The following TRPM3 variants were observed in gnomAD, a reference collection of about 807,000 sequenced individuals.
TRPM3 encodes the protein transient receptor potential cation channel subfamily M member 3.
A neutral mutation model predicts 181.2 loss-of-function variants in TRPM3; 77 were observed. The observed-to-expected ratio is 0.42, with a 90% CI of 0.35 to 0.51. TRPM3 has a LOEUF of 0.51. Ranked by LOEUF, TRPM3 falls within the 20% of genes least tolerant of loss-of-function variation. The pLI is 0.01. For missense variants in TRPM3, 1,759 were observed against 2,196.7 expected, an observed-to-expected ratio of 0.80 and a Z score of 3.98; for synonymous variants, 745 against 796.4, an observed-to-expected ratio of 0.94 and a Z score of 1.09.
chr9:70,536,197 ATGT>A lies in TRPM3; in HGVS notation c.4913_4915del (p.Asn1638del). The A allele has an allele frequency of 6.2e-7, 1 of 1,614,112 alleles. No individual in the cohort carries two copies. Among genetic ancestry groups the A allele is most frequent in the African/African-American group, 1.3e-5 (1 of 75,030 alleles). The stretch of plus-strand genomic sequence containing the variant: ...GGCGCGCTCTATCTTGGGAACAGTG[ATGT>A]TGTTGGACAGGGTTCTCTCTGAGTT... On this transcript the variant is annotated inframe_deletion, in exon 26 of 26. Coordinates refer to ENST00000677713, the MANE Select transcript of TRPM3 (RefSeq NM_001366145.2).
intron 9 of TRPM3, among the ~76,000 whole-genome samples, chr9:70,679,650 T>C (rs917745389): frequency 5.9e-5 from 9 of 152,212 alleles, no homozygotes; most frequent in African/African-American, 2.2e-4. Flanking sequence ...AGCATGTTAC[T>C]GAATTGCTCT....
chr9:71,036,965 C>T (rs910797911), intron 1 of TRPM3, among the ~76,000 whole-genome samples: 1 of 152,094 alleles, frequency 6.6e-6, no homozygotes, highest in Non-Finnish European at 1.5e-5. Context: ...TTTCAAGCAT[C>T]TATGATGATA....
chr9:71,258,594 CACTT>C (rs2082828680), intron 1 of TRPM3, among the ~76,000 whole-genome samples: 1 of 152,124 alleles, frequency 6.6e-6, no homozygotes, highest in African/African-American at 2.4e-5. Context: ...CGTAAAGTAA[CACTT>C]ATTTTTCATT....
chr9:70,542,261 A>G (rs2043585372), intron 25 of TRPM3, among the ~76,000 whole-genome samples: 1 of 152,244 alleles, frequency 6.6e-6, no homozygotes, highest in Non-Finnish European at 1.5e-5. Flanking sequence ...AAATGGAGAT[A>G]TATATGGATG....
At chr9:70,609,992 G>A (rs1430878852) in intron 19 of TRPM3, among the ~76,000 whole-genome samples, 1 of 152,100 alleles carries the variant, frequency 6.6e-6, no homozygotes, top group Non-Finnish European at 1.5e-5. Context: ...GTCATTTCAG[G>A]GACAATCCAC....
chr9:71,108,634 GAAT>G (rs771952482), intron 1 of TRPM3, among the ~76,000 whole-genome samples: 22 of 152,166 alleles, frequency 1.4e-4, no homozygotes, highest in Non-Finnish European at 2.9e-5. Context: ...GCAGAATACA[GAAT>G]AATAGACGAA....
chr9:71,042,579 TCTC>T (rs1421643445), intron 1 of TRPM3, among the ~76,000 whole-genome samples: 1 of 152,188 alleles, frequency 6.6e-6, no homozygotes, highest in East Asian at 1.9e-4. Flanking sequence ...CTTTAGTAGT[TCTC>T]CTTGAATTTC....
intron 1 of TRPM3, among the ~76,000 whole-genome samples, chr9:71,042,867 G>T (rs1008414696): frequency 3.3e-5 from 5 of 152,156 alleles, no homozygotes; most frequent in African/African-American, 1.2e-4. Flanking sequence ...GCCATAAACA[G>T]TTCATCAGAA....
chr9:71,043,850 A>G (rs895818996), intron 1 of TRPM3, among the ~76,000 whole-genome samples: 4 of 151,826 alleles, frequency 2.6e-5, no homozygotes, highest in Non-Finnish European at 5.9e-5. Context: ...TCTTGGAACT[A>G]CTCTCTCAAG....
chr9:70,637,240 A>T (rs1378180994), intron 11 of TRPM3, among the ~76,000 whole-genome samples: 11 of 152,208 alleles, frequency 7.2e-5, no homozygotes, highest in Non-Finnish European at 1.2e-4. Flanking sequence ...GAATGACAGT[A>T]TCACTTTATC....
chr9:71,230,156 T>C (rs369777603), intron 1 of TRPM3, among the ~76,000 whole-genome samples: 1 of 152,172 alleles, frequency 6.6e-6, no homozygotes, highest in African/African-American at 2.4e-5. Flanking sequence ...GATTCTGTCA[T>C]TTGCAACAAC....
At chr9:71,316,217 C>A (rs1230784101) in intron 1 of TRPM3, among the ~76,000 whole-genome samples, 8 of 152,162 alleles carry the variant, frequency 5.3e-5, no homozygotes, top group Admixed American at 2.0e-4. Flanking sequence ...CCAACGTCTA[C>A]TTTTCTGTTG....
At chr9:71,185,511 T>C (rs1371234961) in intron 1 of TRPM3, among the ~76,000 whole-genome samples, 1 of 152,114 alleles carries the variant, frequency 6.6e-6, no homozygotes, top group Non-Finnish European at 1.5e-5. Context: ...AGGTAAGAAC[T>C]ATACTGTTAC....
chr9:71,010,299 C>A (rs1426297840), intron 1 of TRPM3, among the ~76,000 whole-genome samples: 1 of 152,030 alleles, frequency 6.6e-6, no homozygotes, highest in Non-Finnish European at 1.5e-5. Context: ...AAACAACCTA[C>A]AGAATGGGAG....
chr9:70,995,586 T>G (rs2097534461), intron 1 of TRPM3, among the ~76,000 whole-genome samples: 1 of 152,142 alleles, frequency 6.6e-6, no homozygotes. Context: ...TTTTCTCCCA[T>G]TAGGCTGTGG....
intron 1 of TRPM3, among the ~76,000 whole-genome samples, chr9:70,864,752 T>C (rs986332723): frequency 6.6e-6 from 1 of 151,786 alleles, no homozygotes; most frequent in Non-Finnish European, 1.5e-5. Context: ...GAACTGACCA[T>C]AATAAAAAAA....
At chr9:71,096,590 A>ACACACACACTCTCTCTCTCTCTCTCTCT (rs1452142664) in intron 1 of TRPM3, among the ~76,000 whole-genome samples, 18 of 90,034 alleles carry the variant, frequency 2.0e-4, no homozygotes, top group African/African-American at 9.3e-4. Context: ...ACACACACAC[A>ACACACACACTCTCTCTCTCTCTCTCTCT]CTCTCTCTCT....
chr9:70,886,637 GT>G (rs2132768478), intron 1 of TRPM3, among the ~76,000 whole-genome samples: 1 of 152,032 alleles, frequency 6.6e-6, no homozygotes, highest in South Asian at 2.1e-4. Flanking sequence ...GTCTCTTTTT[GT>G]TTATAATGAG....
chr9:70,656,302 AG>A (rs1193170494), intron 9 of TRPM3, among the ~76,000 whole-genome samples: 3 of 152,238 alleles, frequency 2.0e-5, no homozygotes, highest in Admixed American at 1.3e-4. Flanking sequence ...TTAATAAATA[AG>A]ATACTCATAT....
Sources: gnomAD v4.1 joint callset for allele counts (sites outside exome capture counted in the v4.1 genomes callset) on GRCh38, gnomAD v4.1.1 for gene constraint, MANE v1.5 for transcripts, NCBI Gene and HGNC (gene_info 2026-07-23, HGNC 2026-07-21) for gene names.